MUCL1: variants seen among roughly 807,000 people sequenced by gnomAD.
MUCL1 encodes mucin like 1, also known as mucin-like protein 1.
A neutral mutation model predicts 9.2 loss-of-function variants in MUCL1; 11 were observed. That is an observed-to-expected ratio of 1.19 (90% CI 0.75 to 1.97). The LOEUF (loss-of-function observed/expected upper bound fraction) is 1.97, where lower values mean the gene tolerates loss of function less well. Ranked by LOEUF, MUCL1 falls within the 30% of genes most tolerant of loss-of-function variation. The pLI is 0.00. For missense variants in MUCL1, 144 were observed against 110.9 expected (o/e 1.30, Z -1.34); for synonymous variants, 48 against 40.5 (o/e 1.19, Z -0.71).
chr12:54,843,587 C>T (rs6581008), intron 1 of MUCL1, among the ~76,000 whole-genome samples: 79,527 of 151,942 alleles, frequency 0.52, 21,280 homozygotes, highest in East Asian at 0.86. Flanking sequence ...ACAGTGTAAT[C>T]GCAAGGGTCT....
At chr12:54,850,700 G>A (rs1565777579), upstream of MUCL1, among the ~76,000 whole-genome samples, 1 of 152,168 alleles carries the variant, frequency 6.6e-6, no homozygotes, top group Non-Finnish European at 1.5e-5. Context: ...GGGTCAAATG[G>A]TATTTCTAGT....
chr12:54,837,049 A>G (rs12366282), upstream of MUCL1, among the ~76,000 whole-genome samples: 28,179 of 152,118 alleles, frequency 0.19, 2,846 homozygotes, highest in Non-Finnish European at 0.24. Context: ...AAGAATGTAT[A>G]TTCTGCAGTT....
chr12:54,856,926 A>T (rs767732528), intron 3 of MUCL1, 34 bp downstream of exon 3: 6 of 1,612,810 alleles, frequency 3.7e-6, no homozygotes, highest in Non-Finnish European at 5.1e-6. Context: ...TGCTTCCTTT[A>T]TGTGGCTCCT....
intron 1 of MUCL1, among the ~76,000 whole-genome samples, chr12:54,831,618 G>A (rs1052555524): frequency 6.6e-6 from 1 of 151,970 alleles, no homozygotes. Context: ...GTTAAATGAT[G>A]CATATTCATT....
At chr12:54,851,962 C>A (rs1351974576), upstream of MUCL1, among the ~76,000 whole-genome samples, 2 of 152,080 alleles carry the variant, frequency 1.3e-5, no homozygotes, top group Non-Finnish European at 2.9e-5. Context: ...ATGTGAAGGA[C>A]CTCTCCAAAG....
intron 1 of MUCL1, among the ~76,000 whole-genome samples, chr12:54,832,307 T>TG (rs1959186400): frequency 1.3e-5 from 2 of 151,966 alleles, no homozygotes; most frequent in South Asian, 2.1e-4. Context: ...AAATTTTGGG[T>TG]GGGGGGATTA....
intron 1 of MUCL1, among the ~76,000 whole-genome samples, chr12:54,833,281 C>G (rs1369755873): frequency 6.6e-6 from 1 of 152,092 alleles, no homozygotes; most frequent in Non-Finnish European, 1.5e-5. Flanking sequence ...ATGAGGAGAA[C>G]TGGAATTTTC....
intron 1 of MUCL1, among the ~76,000 whole-genome samples, chr12:54,831,848 A>G (rs1026066983): frequency 2.0e-5 from 3 of 152,096 alleles, no homozygotes; most frequent in Admixed American, 2.0e-4. Context: ...AGCTTGCTAC[A>G]GAATGCTGCC....
chr12:54,831,671 A>G (rs953235698), intron 1 of MUCL1, among the ~76,000 whole-genome samples: 4 of 152,114 alleles, frequency 2.6e-5, no homozygotes, highest in African/African-American at 9.6e-5. Context: ...TACTGAAACA[A>G]TTACTGAGCA....
intron 1 of MUCL1, among the ~76,000 whole-genome samples, chr12:54,845,206 T>TCAG (rs144258821): frequency 2.0e-4 from 4 of 19,864 alleles, no homozygotes; most frequent in Non-Finnish European, 1.3e-4. Flanking sequence ...GTTCATCTTC[T>TCAG]TAGATACTTT....
chr12:54,852,719 G>A (rs539623235), upstream of MUCL1, among the ~76,000 whole-genome samples: 9 of 152,220 alleles, frequency 5.9e-5, no homozygotes, highest in East Asian at 1.9e-4. Flanking sequence ...ATAAGTAACC[G>A]TCTCCTAGAA....
intron 3 of MUCL1, among the ~76,000 whole-genome samples, chr12:54,857,717 C>T (rs147579832): frequency 6.6e-6 from 1 of 152,220 alleles, no homozygotes; most frequent in African/African-American, 2.4e-5. Flanking sequence ...CAATGAGAAA[C>T]TTTCCTTTGA....
chr12:54,835,749 C>G (rs1035453046), upstream of MUCL1, among the ~76,000 whole-genome samples: 1 of 151,526 alleles, frequency 6.6e-6, no homozygotes, highest in Non-Finnish European at 1.5e-5. Context: ...GAAGTATGTT[C>G]TTTCTATGTC....
intron 1 of MUCL1, among the ~76,000 whole-genome samples, chr12:54,847,664 G>C (rs1959276061): frequency 6.6e-6 from 1 of 152,006 alleles, no homozygotes; most frequent in African/African-American, 2.4e-5. Context: ...GAAAGAAAGA[G>C]ACAAGCAAAT....
At chr12:54,841,810 G>C (rs533046099) in intron 1 of MUCL1, among the ~76,000 whole-genome samples, 2 of 151,962 alleles carry the variant, frequency 1.3e-5, no homozygotes, top group Non-Finnish European at 2.9e-5. Flanking sequence ...AAGCTTTTTG[G>C]TTTGATGTAG....
In MUCL1 at chr12:54,854,525, C is replaced by T. The variant is rs186285573; in HGVS notation, c.-58C>T. On this transcript the variant is annotated 5_prime_UTR_variant, in exon 1 of 4. Coordinates refer to ENST00000308796, the MANE Select transcript of MUCL1 (RefSeq NM_058173.3). ...GTGGAATCCTGAAGTCAGCGCCTTG[C>T]CTTCTCTTAGGCTTTGAAGCATTTT... The T allele has an allele frequency of 1.1e-4, 157 of 1,427,594 alleles. No individual in the cohort carries two copies. In the African/African-American group the frequency reaches 2.0e-3, roughly 18 times the overall value. 88.4% of individuals were successfully genotyped at this position (1,427,594 alleles called of 1,614,324 possible). A position where few individuals can be genotyped will look rare whatever the true frequency, so the allele number is the denominator to read the frequency against.
intron 1 of MUCL1, among the ~76,000 whole-genome samples, chr12:54,839,746 G>A (rs1004303688): frequency 2.6e-5 from 4 of 152,296 alleles, no homozygotes; most frequent in East Asian, 1.9e-4. Context: ...CCTTGTGTGG[G>A]GATGTAGTCA....
At chr12:54,835,850 TTAAATTCTGCCTATTTA>T (rs1194869809), upstream of MUCL1, among the ~76,000 whole-genome samples, 1 of 152,216 alleles carries the variant, frequency 6.6e-6, no homozygotes, top group South Asian at 2.1e-4. Flanking sequence ...GATTTTTGTT[TTAAATTCTGCCTATTTA>T]TAAATTCTGC....
At chr12:54,839,225 A>G (rs1959199566), upstream of MUCL1, 1 of 603,346 alleles carries the variant, frequency 1.7e-6, no homozygotes, top group Non-Finnish European at 3.0e-6. Context: ...GTCTTTGTAT[A>G]GTGGCTTACT....
Sources: gnomAD v4.1 joint callset for allele counts (sites outside exome capture counted in the v4.1 genomes callset) on GRCh38, gnomAD v4.1.1 for gene constraint, MANE v1.5 for transcripts, NCBI Gene and HGNC (gene_info 2026-07-23, HGNC 2026-07-21) for gene names.